HSD17B2: variants seen among roughly 807,000 people sequenced by gnomAD.
The protein encoded by HSD17B2 is hydroxysteroid 17-beta dehydrogenase 2, also known as 17-beta-hydroxysteroid dehydrogenase type 2.
A neutral mutation model predicts 26.9 loss-of-function variants in HSD17B2; 32 were observed. That is an observed-to-expected ratio of 1.19 (90% CI 0.90 to 1.60). The LOEUF is 1.60. HSD17B2 is among the 40% of genes most tolerant of loss of function. The pLI is 0.00. For synonymous variants in HSD17B2, 246 were observed against 186.7 expected (o/e 1.32, Z -2.59); for missense variants, 613 against 468.6 (o/e 1.31, Z -2.85).
At chr16:82,097,153 C>T (rs148529461) in intron 4 of HSD17B2, 4 of 151,930 alleles carry the variant, frequency 2.6e-5, no homozygotes, top group East Asian at 1.9e-4. Flanking sequence ...TTCAGTCTCC[C>T]GAATAGCTGG....
chr16:82,064,165 C>T (rs1030550430), intron 1 of HSD17B2, among the ~76,000 whole-genome samples: 1 of 152,194 alleles, frequency 6.6e-6, no homozygotes, highest in Non-Finnish European at 1.5e-5. Context: ...ATCCTAGGCT[C>T]ATGAAGCTGC....
chr16:82,041,347 A>G (rs1351820672), intron 1 of HSD17B2, among the ~76,000 whole-genome samples: 2 of 152,140 alleles, frequency 1.3e-5, no homozygotes, highest in African/African-American at 4.8e-5. Flanking sequence ...CAATCTGCCC[A>G]CTCACTTAGG....
chr16:82,039,026 C>G (rs1913695639), intron 1 of HSD17B2, among the ~76,000 whole-genome samples: 1 of 152,098 alleles, frequency 6.6e-6, no homozygotes, highest in African/African-American at 2.4e-5. Flanking sequence ...TGGACACTGG[C>G]TGGCAAAGTG....
intron 4 of HSD17B2, chr16:82,091,503 T>C (rs1904693717): frequency 5.7e-6 from 1 of 174,436 alleles, no homozygotes; most frequent in African/African-American, 2.4e-5. Flanking sequence ...AAGAGCTATA[T>C]ATTTACAATT....
At chr16:82,073,422 C>T (rs1452691264) in intron 3 of HSD17B2, among the ~76,000 whole-genome samples, 1 of 152,006 alleles carries the variant, frequency 6.6e-6, no homozygotes, top group Non-Finnish European at 1.5e-5. Context: ...GACGGGGTTT[C>T]ACCGTGTTAG....
chr16:82,077,146 C>T (rs991976813), intron 3 of HSD17B2, among the ~76,000 whole-genome samples: 2 of 152,128 alleles, frequency 1.3e-5, no homozygotes, highest in African/African-American at 2.4e-5. Flanking sequence ...TGACATTCTT[C>T]ACAGAAATAG....
intron 4 of HSD17B2, chr16:82,095,710 C>G (rs1904820036): frequency 6.6e-6 from 1 of 152,180 alleles, no homozygotes; most frequent in African/African-American, 2.4e-5. Context: ...TGGCTAAAAG[C>G]TGTTCAATGG....
intron 1 of HSD17B2, among the ~76,000 whole-genome samples, chr16:82,050,370 G>C (rs1294261704): frequency 6.6e-6 from 1 of 151,624 alleles, no homozygotes; most frequent in Non-Finnish European, 1.5e-5. Flanking sequence ...TCGGTGCTGA[G>C]GCTATTACTT....
chr16:82,088,219 G>C (rs915301612), intron 3 of HSD17B2, among the ~76,000 whole-genome samples: 1 of 152,144 alleles, frequency 6.6e-6, no homozygotes, highest in Non-Finnish European at 1.5e-5. Context: ...TTCTGAAGCA[G>C]GTGCACTTAT....
At chr16:82,078,713 C>G (rs1317339210) in intron 3 of HSD17B2, among the ~76,000 whole-genome samples, 3 of 152,144 alleles carry the variant, frequency 2.0e-5, no homozygotes, top group Non-Finnish European at 4.4e-5. Context: ...ATATTGTCAT[C>G]TGCAATAACA....
At chr16:82,050,629 C>A (rs760891754) in intron 1 of HSD17B2, among the ~76,000 whole-genome samples, 2 of 152,156 alleles carry the variant, frequency 1.3e-5, no homozygotes. Context: ...TCCGAGCCCC[C>A]AGATCCCACA....
At chr16:82,076,698 C>A (rs1173276669) in intron 3 of HSD17B2, among the ~76,000 whole-genome samples, 1 of 152,160 alleles carries the variant, frequency 6.6e-6, no homozygotes, top group African/African-American at 2.4e-5. Flanking sequence ...CCTCAGCATC[C>A]CGAGTAGCTG....
At chr16:82,086,962 G>C (rs1904545486) in intron 3 of HSD17B2, among the ~76,000 whole-genome samples, 1 of 152,126 alleles carries the variant, frequency 6.6e-6, no homozygotes. Context: ...GAGGTGTCTG[G>C]TGTTTCTTCT....
At chr16:82,089,728 G>C (rs1276775459) in intron 3 of HSD17B2, among the ~76,000 whole-genome samples, 1 of 152,102 alleles carries the variant, frequency 6.6e-6, no homozygotes, top group East Asian at 1.9e-4. Flanking sequence ...GCCTTGGCTT[G>C]GGCAACATAA....
chr16:82,082,726 A>G (rs1904416672), intron 3 of HSD17B2, among the ~76,000 whole-genome samples: 1 of 152,244 alleles, frequency 6.6e-6, no homozygotes, highest in African/African-American at 2.4e-5. Context: ...TAAAACGCTC[A>G]GAACAGTGCT....
intron 1 of HSD17B2, among the ~76,000 whole-genome samples, chr16:82,040,441 C>A (rs1251957457): frequency 1.3e-5 from 2 of 152,176 alleles, no homozygotes; most frequent in African/African-American, 4.8e-5. Context: ...GAAATGCGTC[C>A]AAAGTCACTG....
intron 1 of HSD17B2, among the ~76,000 whole-genome samples, chr16:82,046,829 G>A (rs1349608112): frequency 6.6e-6 from 1 of 152,158 alleles, no homozygotes; most frequent in Non-Finnish European, 1.5e-5. Flanking sequence ...AAGAAATTGA[G>A]GTTTTTCAAG....
chr16:82,043,064 T>C (rs1316912348), intron 1 of HSD17B2, among the ~76,000 whole-genome samples: 1 of 152,280 alleles, frequency 6.6e-6, no homozygotes, highest in Non-Finnish European at 1.5e-5. Context: ...GTTGCATCTC[T>C]TGACATCATT....
At position 82,068,396 on chromosome 16, in the gene HSD17B2, C is replaced by T; in HGVS notation, c.478+14C>T. 1 of 1,597,134 alleles carries T rather than the reference C, an allele frequency of 6.3e-7. No individual in the cohort carries two copies. Among genetic ancestry groups the T allele is most frequent in the Non-Finnish European group, 8.5e-7 (1 of 1,170,510 alleles). ...TGCAGGACAGAGGTACTGCCGCCAG[C>T]ACCCTCAGTGCCTTTACCCTCCTCC... On this transcript the variant is annotated intron_variant, in intron 2 of 4. Transcript: ENST00000199936.
Sources: gnomAD v4.1 joint callset for allele counts (sites outside exome capture counted in the v4.1 genomes callset) on GRCh38, gnomAD v4.1.1 for gene constraint, MANE v1.5 for transcripts, NCBI Gene and HGNC (gene_info 2026-07-23, HGNC 2026-07-21) for gene names.